Variants in MAGI2 observed in about 807,000 individuals in gnomAD.
MAGI2 encodes the protein membrane-associated guanylate kinase, WW and PDZ domain-containing protein 2.
A neutral mutation model predicts 133.3 loss-of-function variants in MAGI2; 35 were observed. The ratio of observed to expected loss-of-function variants is 0.26; its 90% CI spans 0.20 to 0.35. The LOEUF (loss-of-function observed/expected upper bound fraction) is 0.35, where lower values mean the gene tolerates loss of function less well. Ranked by LOEUF, MAGI2 falls within the 10% of genes least tolerant of loss-of-function variation. The pLI is 1.00. For synonymous variants in MAGI2, 729 were observed against 710.6 expected (o/e 1.03, Z -0.41); for missense variants, 1,636 against 1,863.4 (o/e 0.88, Z 2.25).
At position 78,501,870 on chromosome 7, in the gene MAGI2, T is replaced by C. The variant is rs552140245; in HGVS notation, c.755-83A>G. 2.0e-4 allele frequency: 190 copies of C among 970,016 alleles called. 1 individual carries two copies. Among genetic ancestry groups the C allele is most frequent in the African/African-American group, 1.8e-3 (109 of 61,900 alleles). The allele number at this position is 970,016 out of a possible 1,614,324, so 60.1% of individuals were successfully genotyped here. ...GTATGGAGAATGCTGTACCAGGGAA[T>C]AAACGTCATGAATAACTTCTATGAA... is the stretch of plus-strand genomic sequence containing the variant. On this transcript the variant is annotated intron_variant, in intron 4 of 21. Coordinates refer to ENST00000354212, the MANE Select transcript of MAGI2 (RefSeq NM_012301.4).
At chr7:78,335,855 AC>A (rs1355630088) in intron 9 of MAGI2, among the ~76,000 whole-genome samples, 5 of 152,256 alleles carry the variant, frequency 3.3e-5, no homozygotes, top group Admixed American at 1.3e-4. Flanking sequence ...GAACAAATGT[AC>A]AAAGCCATAA....
intron 21 of MAGI2, among the ~76,000 whole-genome samples, chr7:78,053,173 G>A (rs956479399): frequency 8.5e-5 from 13 of 152,192 alleles, no homozygotes; most frequent in Non-Finnish European, 1.6e-4. Flanking sequence ...CCTAAAAAGA[G>A]AGCCCATTAG....
chr7:78,548,365 G>T (rs1466602688), intron 3 of MAGI2, among the ~76,000 whole-genome samples: 1 of 152,118 alleles, frequency 6.6e-6, no homozygotes, highest in Admixed American at 6.5e-5. Flanking sequence ...AAGTCTAAAG[G>T]CTACTCCACA....
At chr7:78,125,469 C>T (rs572064249) in intron 20 of MAGI2, among the ~76,000 whole-genome samples, 63 of 152,190 alleles carry the variant, frequency 4.1e-4, no homozygotes, top group African/African-American at 1.4e-3. Flanking sequence ...AAAAATAGTA[C>T]TTTACTGAGG....
chr7:79,043,468 G>A (rs1489499674), intron 1 of MAGI2, among the ~76,000 whole-genome samples: 3 of 150,312 alleles, frequency 2.0e-5, no homozygotes, highest in Non-Finnish European at 4.4e-5. Flanking sequence ...GCTTGAATCC[G>A]GGAGGTGGAG....
At position 79,146,378 on chromosome 7, in the gene MAGI2, C is replaced by T. The variant is rs2215582; in HGVS notation, c.302-139172G>A. ...AGCTTTCTTATTTTGGAAGTTGCCT[C>T]TTATGATCTGGACATTTTTGGTTTC... On this transcript the variant is annotated intron_variant, in intron 1 of 21. Coordinates refer to ENST00000354212, the MANE Select transcript of MAGI2 (RefSeq NM_012301.4). 2.6e-5 allele frequency among the ~76,000 whole-genome samples: 4 copies of T among 152,164 alleles called. No individual in the cohort carries two copies. The East Asian group carries it at 5.8e-4, about 22-fold the overall frequency.
chr7:78,607,977 G>T (rs965756704), intron 3 of MAGI2, among the ~76,000 whole-genome samples: 2 of 152,188 alleles, frequency 1.3e-5, no homozygotes, highest in African/African-American at 2.4e-5. Context: ...ACAGTTCCAT[G>T]TTGGCTTCTC....
At chr7:78,297,336 C>A (rs909807672) in intron 9 of MAGI2, among the ~76,000 whole-genome samples, 1 of 151,962 alleles carries the variant, frequency 6.6e-6, no homozygotes, top group African/African-American at 2.4e-5. Flanking sequence ...ACAACAGGTG[C>A]TGGAGAGGAT....
intron 1 of MAGI2, among the ~76,000 whole-genome samples, chr7:79,275,889 T>C (rs1835195937): frequency 1.3e-5 from 2 of 152,282 alleles, no homozygotes; most frequent in South Asian, 4.1e-4. Flanking sequence ...TACTAAATAT[T>C]TTAAGCCCAA....
chr7:78,384,464 G>T (rs1240851440), intron 6 of MAGI2, among the ~76,000 whole-genome samples: 1 of 152,042 alleles, frequency 6.6e-6, no homozygotes, highest in African/African-American at 2.4e-5. Context: ...AAACCCTCAG[G>T]TAATTTATAA....
At chr7:78,528,226 C>T (rs937522409) in intron 3 of MAGI2, among the ~76,000 whole-genome samples, 4 of 152,096 alleles carry the variant, frequency 2.6e-5, no homozygotes, top group South Asian at 2.1e-4. Flanking sequence ...TGATGCTTGG[C>T]CTCTTTAATA....
intron 1 of MAGI2, among the ~76,000 whole-genome samples, chr7:79,443,517 A>C (rs936376419): frequency 6.6e-6 from 1 of 152,182 alleles, no homozygotes; most frequent in African/African-American, 2.4e-5. Flanking sequence ...CAGATTTGAC[A>C]AGTTTAGGGT....
At chr7:78,312,854 T>TAC (rs1196470380) in intron 9 of MAGI2, among the ~76,000 whole-genome samples, 1 of 151,636 alleles carries the variant, frequency 6.6e-6, no homozygotes, top group Non-Finnish European at 1.5e-5. Context: ...TGTATATATA[T>TAC]ACACATATAC....
chr7:78,421,362 G>A (rs1798779276), intron 6 of MAGI2, among the ~76,000 whole-genome samples: 1 of 152,176 alleles, frequency 6.6e-6, no homozygotes, highest in Non-Finnish European at 1.5e-5. Context: ...AGTTCTCTGA[G>A]GTGGTTAACA....
At chr7:78,920,041 A>G (rs1799107728) in intron 2 of MAGI2, among the ~76,000 whole-genome samples, 1 of 152,096 alleles carries the variant, frequency 6.6e-6, no homozygotes, top group Non-Finnish European at 1.5e-5. Context: ...ACATTGGGCA[A>G]GTCCATGGCT....
intron 6 of MAGI2, among the ~76,000 whole-genome samples, chr7:78,429,328 C>T (rs547567726): frequency 6.6e-6 from 1 of 152,132 alleles, no homozygotes; most frequent in South Asian, 2.1e-4. Context: ...TTCTGATATA[C>T]ACCTTTAGGC....
chr7:79,170,137 C>CTTTTTTTT lies in MAGI2; in HGVS notation c.302-162939_302-162932dup, dbSNP rs10539344. Among the ~76,000 whole-genome samples, 177 of 42,942 alleles carry CTTTTTTTT rather than the reference C, an allele frequency of 4.1e-3. 25 individuals are homozygous for CTTTTTTTT. Among genetic ancestry groups the CTTTTTTTT allele is most frequent in the African/African-American group, 0.014 (164 of 11,596 alleles). The allele number at this position is 42,942 out of a possible 152,430, so 28.2% of individuals were successfully genotyped here. A position where few individuals can be genotyped will look rare whatever the true frequency, so the allele number is the denominator to read the frequency against. ...TCAATGGTTACTTTGAGATATTATACTTTTTTTTTTTTTTTTTTTTTTTTT... is the reference window on the plus strand; with the variant it reads ...TCAATGGTTACTTTGAGATATTATACTTTTTTTTTTTTTTTTTTTTTTTTTTTTTTTTT... On this transcript the variant is annotated intron_variant, in intron 1 of 21. Transcript: ENST00000354212.
chr7:79,132,506 T>C (rs544322306), intron 1 of MAGI2, among the ~76,000 whole-genome samples: 5 of 152,298 alleles, frequency 3.3e-5, no homozygotes, highest in African/African-American at 1.2e-4. Context: ...TACTCCATGG[T>C]GTATACATAC....
intron 1 of MAGI2, among the ~76,000 whole-genome samples, chr7:79,421,101 G>A (rs780633960): frequency 2.6e-4 from 40 of 152,044 alleles, no homozygotes; most frequent in South Asian, 8.3e-4. Context: ...TGGGTACCGT[G>A]GACTGTGTTA....
Sources: allele counts gnomAD v4.1 joint callset (sites outside exome capture counted in the v4.1 genomes callset), GRCh38; gene constraint gnomAD v4.1.1; transcripts MANE v1.5; gene names NCBI Gene and HGNC (gene_info 2026-07-23, HGNC 2026-07-21).